ADGRL2: variants seen among roughly 807,000 people sequenced by gnomAD.
ADGRL2 encodes calcium-independent alpha-latrotoxin receptor 2.
Under a neutral mutation model 157.4 loss-of-function variants are expected in ADGRL2, and 44 were observed. The observed-to-expected ratio is 0.28, with a 90% CI of 0.22 to 0.36. ADGRL2 has a LOEUF of 0.36. Ranked by LOEUF, ADGRL2 falls within the 10% of genes least tolerant of loss-of-function variation. The probability of loss-of-function intolerance (pLI) is 1.00; values close to 1 mark genes in which losing one functional copy is unlikely to be tolerated. For missense variants in ADGRL2, 1,510 were observed against 1,768.9 expected, an observed-to-expected ratio of 0.85 and a Z score of 2.63; for synonymous variants, 585 against 624.7, an observed-to-expected ratio of 0.94 and a Z score of 0.95.
intron 1 of ADGRL2, among the ~76,000 whole-genome samples, chr1:81,396,231 T>G (rs557310301): frequency 6.6e-6 from 1 of 152,210 alleles, no homozygotes; most frequent in African/African-American, 2.4e-5. Context: ...TTTGGTTAAA[T>G]GTATTCCCAG....
At chr1:81,986,134 A>G (rs2892708) in intron 21 of ADGRL2, among the ~76,000 whole-genome samples, 90 of 152,106 alleles carry the variant, frequency 5.9e-4, no homozygotes, top group Non-Finnish European at 1.1e-3. Context: ...TAGCTATGCA[A>G]AACATAATCA....
chr1:81,418,859 C>CA (rs1557674881), intron 1 of ADGRL2, among the ~76,000 whole-genome samples: 1 of 152,146 alleles, frequency 6.6e-6, no homozygotes, highest in East Asian at 1.9e-4. Context: ...CTAACCAAAT[C>CA]CATGTTAAAA....
intron 2 of ADGRL2, among the ~76,000 whole-genome samples, chr1:81,778,414 A>G (rs752904251): frequency 1.5e-4 from 23 of 152,086 alleles, no homozygotes; most frequent in Non-Finnish European, 2.8e-4. Context: ...ATGCTTTGCT[A>G]GAATCTAGAG....
intron 2 of ADGRL2, among the ~76,000 whole-genome samples, chr1:81,448,548 G>A (rs941008093): frequency 2.0e-5 from 3 of 151,948 alleles, no homozygotes; most frequent in African/African-American, 4.8e-5. Flanking sequence ...ATCATTTCAA[G>A]AATCATGGCC....
chr1:81,630,029 T>C (rs1401683493), intron 3 of ADGRL2, among the ~76,000 whole-genome samples: 1 of 152,110 alleles, frequency 6.6e-6, no homozygotes, highest in Non-Finnish European at 1.5e-5. Flanking sequence ...TAGGCATATA[T>C]ATAGACACAT....
chr1:81,481,394 A>C (rs1159360555), intron 2 of ADGRL2, among the ~76,000 whole-genome samples: 3 of 152,194 alleles, frequency 2.0e-5, no homozygotes, highest in Admixed American at 2.0e-4. Flanking sequence ...AATAATCAAC[A>C]TTCTGTTTAG....
intron 1 of ADGRL2, among the ~76,000 whole-genome samples, chr1:81,350,082 C>A (rs1039094851): frequency 2.0e-5 from 3 of 152,022 alleles, no homozygotes; most frequent in African/African-American, 7.2e-5. Flanking sequence ...TATTGTTCAC[C>A]TTTCTTTATT....
intron 2 of ADGRL2, among the ~76,000 whole-genome samples, chr1:81,572,559 C>A (rs940585503): frequency 1.7e-4 from 26 of 152,128 alleles, no homozygotes; most frequent in African/African-American, 6.3e-4. Context: ...TTTCATATTA[C>A]AGGTCCCAAA....
chr1:81,312,521 C>T (rs1313689006), intron 1 of ADGRL2, among the ~76,000 whole-genome samples: 2 of 152,166 alleles, frequency 1.3e-5, no homozygotes, highest in Non-Finnish European at 2.9e-5. Flanking sequence ...CCCAGTTCCT[C>T]CAAATATTCG....
At chr1:81,546,347 G>A (rs1176349916) in intron 2 of ADGRL2, among the ~76,000 whole-genome samples, 1 of 152,136 alleles carries the variant, frequency 6.6e-6, no homozygotes, top group Non-Finnish European at 1.5e-5. Context: ...TACTCATTTA[G>A]CATTGGCTCA....
chr1:81,545,288 CTTT>C (rs57690437), intron 2 of ADGRL2, among the ~76,000 whole-genome samples: 2 of 141,878 alleles, frequency 1.4e-5, no homozygotes, highest in African/African-American at 2.6e-5. Flanking sequence ...ACTGACTGAA[CTTT>C]TTTTTTTTTT....
At chr1:81,951,537 G>T (rs1651795702) in intron 8 of ADGRL2, among the ~76,000 whole-genome samples, 1 of 152,102 alleles carries the variant, frequency 6.6e-6, no homozygotes, top group Admixed American at 6.6e-5. Context: ...GCAGTGTAAT[G>T]CAATGCCATT....
intron 1 of ADGRL2, among the ~76,000 whole-genome samples, chr1:81,318,609 G>C (rs1460094584): frequency 6.6e-6 from 1 of 152,156 alleles, no homozygotes; most frequent in Non-Finnish European, 1.5e-5. Context: ...AGTTGCAAAA[G>C]TAACCATGAT....
At chr1:81,858,766 A>T (rs1451268230) in intron 2 of ADGRL2, among the ~76,000 whole-genome samples, 1 of 152,188 alleles carries the variant, frequency 6.6e-6, no homozygotes, top group Non-Finnish European at 1.5e-5. Context: ...CAAAATGTAA[A>T]CATAAAAGAC....
intron 3 of ADGRL2, among the ~76,000 whole-genome samples, chr1:81,655,209 C>A (rs896069222): frequency 1.3e-5 from 2 of 152,146 alleles, no homozygotes; most frequent in African/African-American, 2.4e-5. Flanking sequence ...ACTGTGTTAG[C>A]CAGGATGATC....
chr1:81,635,227 G>A (rs936803520), intron 3 of ADGRL2, among the ~76,000 whole-genome samples: 2 of 152,176 alleles, frequency 1.3e-5, no homozygotes, highest in South Asian at 2.1e-4. Context: ...CTCCGTGTTC[G>A]CCTTCTCCAT....
intron 1 of ADGRL2, among the ~76,000 whole-genome samples, chr1:81,435,468 T>C (rs866412736): frequency 2.6e-5 from 4 of 152,200 alleles, no homozygotes; most frequent in African/African-American, 9.7e-5. Context: ...TTCAATGAAT[T>C]CAAAACACTT....
chr1:81,384,679 G>A (rs2076403913), intron 1 of ADGRL2, among the ~76,000 whole-genome samples: 1 of 152,142 alleles, frequency 6.6e-6, no homozygotes, highest in South Asian at 2.1e-4. Flanking sequence ...AGTTTTACTG[G>A]TATATGACCT....
At chr1:81,603,633 A>G (rs1430905672) in intron 3 of ADGRL2, among the ~76,000 whole-genome samples, 2 of 152,218 alleles carry the variant, frequency 1.3e-5, no homozygotes, top group African/African-American at 4.8e-5. Flanking sequence ...TAATGCTCAC[A>G]TGGTAACTTG....
Sources: gnomAD v4.1 joint callset for allele counts (sites outside exome capture counted in the v4.1 genomes callset) on GRCh38, gnomAD v4.1.1 for gene constraint, MANE v1.5 for transcripts, NCBI Gene and HGNC (gene_info 2026-07-23, HGNC 2026-07-21) for gene names.